CLDN16: variants seen among roughly 807,000 people sequenced by gnomAD.
The protein encoded by CLDN16 is claudin 16.
Under a neutral mutation model 24.6 loss-of-function variants are expected in CLDN16, and 13 were observed. The observed-to-expected ratio is 0.53, with a 90% CI of 0.34 to 0.84. The LOEUF (loss-of-function observed/expected upper bound fraction) is 0.84. Ranked by LOEUF, CLDN16 falls within the 40% of genes least tolerant of loss-of-function variation. The probability of loss-of-function intolerance (pLI) is 0.01; values close to 1 mark genes in which losing one functional copy is unlikely to be tolerated. For synonymous variants in CLDN16, 116 were observed against 106.7 expected (o/e 1.09, Z -0.54); for missense variants, 298 against 292.7 (o/e 1.02, Z -0.13).
intron 1 of CLDN16, among the ~76,000 whole-genome samples, chr3:190,350,437 G>T (rs1474778673): frequency 6.6e-6 from 1 of 151,460 alleles, no homozygotes; most frequent in Non-Finnish European, 1.5e-5. Flanking sequence ...ATGTTAAAAA[G>T]AGTCAATGTG....
chr3:190,375,626 T>C (rs1303786759), intron 3 of CLDN16, among the ~76,000 whole-genome samples: 3 of 151,974 alleles, frequency 2.0e-5, no homozygotes, highest in African/African-American at 7.2e-5. Flanking sequence ...AGATATTCAT[T>C]AATGCATTTG....
intron 1 of CLDN16, among the ~76,000 whole-genome samples, chr3:190,328,791 A>G (rs1717123990): frequency 1.3e-5 from 2 of 152,326 alleles, no homozygotes; most frequent in African/African-American, 4.8e-5. Context: ...CAATTTTCCA[A>G]AAACTAAATT....
chr3:190,358,790 A>G (rs896652439), intron 1 of CLDN16, among the ~76,000 whole-genome samples: 3 of 151,990 alleles, frequency 2.0e-5, no homozygotes, highest in Non-Finnish European at 4.4e-5. Flanking sequence ...TAGTTTTTTC[A>G]TTAAATCCAA....
the CLDN16 span, chr3:190,310,153 G>A: frequency 4.8e-5 from 77 of 1,602,294 alleles, no homozygotes; most frequent in Admixed American, 5.8e-4. Flanking sequence ...ACTATTTTAC[G>A]CCTGAATAGC....
intron 1 of CLDN16, among the ~76,000 whole-genome samples, chr3:190,362,809 G>A (rs889106825): frequency 2.6e-5 from 4 of 151,966 alleles, no homozygotes; most frequent in African/African-American, 9.6e-5. Flanking sequence ...ATAAGGGTAG[G>A]CTACTGTATT....
chr3:190,410,010 A>C lies in CLDN16; in HGVS notation c.682A>C (p.Met228Leu). The C allele has an allele frequency of 6.2e-7, 1 of 1,614,090 alleles. No homozygotes were observed. Among genetic ancestry groups the C allele is most frequent in the Non-Finnish European group, 8.5e-7 (1 of 1,179,990 alleles). ...YSAPRTETAK[M>L]YAVDTRV ...AGCCCCTCGCACAGAGACGGCCAAA[A>C]TGTATGCTGTAGACACAAGGGTGTA... is the stretch of plus-strand genomic sequence containing the variant. The change falls in exon 5 of 5, where the codon ATG becomes CTG. Residue 228 changes from methionine to leucine, a missense_variant. Transcript: ENST00000264734.
chr3:190,290,945 T>A, the CLDN16 span, among the ~76,000 whole-genome samples: 36 of 152,252 alleles, frequency 2.4e-4, no homozygotes, highest in African/African-American at 8.7e-4. Context: ...CAGTTGGTGA[T>A]AAGAATTATG....
intron 1 of CLDN16, among the ~76,000 whole-genome samples, chr3:190,341,696 C>A (rs983133311): frequency 6.6e-6 from 1 of 152,152 alleles, no homozygotes; most frequent in South Asian, 2.1e-4. Context: ...GCTTGGATTT[C>A]TCCCCGCAGA....
intron 3 of CLDN16, among the ~76,000 whole-genome samples, chr3:190,376,383 A>C (rs1718249204): frequency 6.6e-6 from 1 of 151,886 alleles, no homozygotes; most frequent in Non-Finnish European, 1.5e-5. Flanking sequence ...GAAGTCACAA[A>C]ATTGAAAAAA....
At chr3:190,327,476 C>T (rs887220733) in intron 1 of CLDN16, among the ~76,000 whole-genome samples, 4 of 152,118 alleles carry the variant, frequency 2.6e-5, no homozygotes, top group Non-Finnish European at 5.9e-5. Context: ...TATAAACTTA[C>T]TTAGTGCTCA....
At chr3:190,299,329 CT>C in the CLDN16 span, among the ~76,000 whole-genome samples, 4 of 151,766 alleles carry the variant, frequency 2.6e-5, no homozygotes, top group African/African-American at 9.7e-5. Context: ...TAAAAGTGTT[CT>C]CAATATTAAG....
chr3:190,406,336 C>T lies in CLDN16; in HGVS notation c.382+1410C>T, dbSNP rs190278140. Among the ~76,000 whole-genome samples, 145 of 152,286 alleles carry T rather than the reference C, an allele frequency of 9.5e-4. No individual in the cohort carries two copies. The East Asian group carries it at 0.025, about 26-fold the overall frequency. The stretch of plus-strand genomic sequence containing the variant: ...ATTTAATTATCCCACCTACTGACAG[C>T]ATAGAACTTTTTAATATACAATGTA... On this transcript the variant is annotated intron_variant, in intron 3 of 4. Transcript: ENST00000264734.
chr3:190,400,933 T>A (rs958652054), intron 1 of CLDN16, among the ~76,000 whole-genome samples: 1 of 152,222 alleles, frequency 6.6e-6, no homozygotes. Flanking sequence ...CCATTAACTA[T>A]GCTTTCTTGG....
chr3:190,337,352 G>A (rs1168169200), intron 1 of CLDN16, among the ~76,000 whole-genome samples: 4 of 152,110 alleles, frequency 2.6e-5, no homozygotes, highest in East Asian at 1.9e-4. Flanking sequence ...TATGGAAATG[G>A]GCAGAAACTA....
chr3:190,312,017 G>A, the CLDN16 span, among the ~76,000 whole-genome samples: 1 of 150,692 alleles, frequency 6.6e-6, no homozygotes, highest in South Asian at 2.1e-4. Flanking sequence ...GTGCGATCTC[G>A]GCTCCCGAGT....
At chr3:190,331,295 T>G (rs568052147) in intron 1 of CLDN16, among the ~76,000 whole-genome samples, 1 of 152,296 alleles carries the variant, frequency 6.6e-6, no homozygotes, top group African/African-American at 2.4e-5. Flanking sequence ...TCCCACAAGC[T>G]TTATCAAATA....
Position 190,329,094 on chromosome 3 carries a change from C to G in CLDN16, n.121+6433C>G, listed in dbSNP as rs553696100. ...CAATAAGGAGCAATCACAGAATTTC[C>G]AGAAGACACTTGAGCAAATTTGTTA... is the stretch of plus-strand genomic sequence containing the variant. On this transcript the variant is annotated intron_variant and non_coding_transcript_variant, in intron 1 of 4. Coordinates refer to the CLDN16 transcript ENST00000468220. 2.6e-5 allele frequency among the ~76,000 whole-genome samples: 4 copies of G among 152,204 alleles called. No individual in the cohort carries two copies. The East Asian group carries it at 7.7e-4, about 29-fold the overall frequency.
the CLDN16 span, among the ~76,000 whole-genome samples, chr3:190,299,548 GA>G: frequency 8.5e-5 from 12 of 140,412 alleles, no homozygotes; most frequent in South Asian, 6.6e-4. Context: ...TATTTTTTCT[GA>G]ATTTTTTTTA....
At chr3:190,350,958 A>C (rs191206883) in intron 1 of CLDN16, among the ~76,000 whole-genome samples, 73 of 152,204 alleles carry the variant, frequency 4.8e-4, no homozygotes, top group East Asian at 3.9e-4. Context: ...GCCAAATTTC[A>C]TGTTGAAATA....
Sources: gnomAD v4.1 joint callset for allele counts (sites outside exome capture counted in the v4.1 genomes callset) on GRCh38, gnomAD v4.1.1 for gene constraint, MANE v1.5 for transcripts, NCBI Gene and HGNC (gene_info 2026-07-23, HGNC 2026-07-21) for gene names.